LPCAT2: variants seen among roughly 807,000 people sequenced by gnomAD.
The protein encoded by LPCAT2 is lysophosphatidylcholine acyltransferase 2.
A neutral mutation model predicts 64.7 loss-of-function variants in LPCAT2; 58 were observed. The ratio of observed to expected loss-of-function variants is 0.90; its 90% CI spans 0.73 to 1.12. LPCAT2 has a LOEUF of 1.12. LPCAT2 is among the 50% of genes most tolerant of loss of function. The pLI, the probability that LPCAT2 is intolerant of heterozygous loss-of-function variation, is 0.00. For missense variants in LPCAT2, 579 were observed against 669.8 expected, an observed-to-expected ratio of 0.86 and a Z score of 1.50; for synonymous variants, 252 against 245.3, an observed-to-expected ratio of 1.03 and a Z score of -0.26.
Position 55,582,941 on chromosome 16 carries a change from A to C in LPCAT2, c.1478A>C (p.His493Pro). 1 of 1,613,138 alleles carries C rather than the reference A, an allele frequency of 6.2e-7. No homozygotes were observed. Among genetic ancestry groups the C allele is most frequent in the Non-Finnish European group, 8.5e-7 (1 of 1,179,394 alleles). Residue 493 changes from histidine to proline, a missense_variant, in exon 14 of 14, where the codon CAT becomes CCT. Physicochemically the swap from His to Pro is moderately conservative, Grantham distance 77 (BLOSUM62 -2). Transcript: ENST00000262134. ...GAATTTAAAAGTTTTGCCTTAAAGC[A>C]TCCAGAATATGCTAAGATATTTACA... ...YEEFKSFALK[H>P]PEYAKIFTTY...
intron 6 of LPCAT2, among the ~76,000 whole-genome samples, chr16:55,534,111 A>G (rs1450589805): frequency 1.3e-5 from 2 of 152,114 alleles, no homozygotes; most frequent in African/African-American, 4.8e-5. Context: ...GAAAACGGAT[A>G]TATTCTGAGT....
chr16:55,534,962 G>T (rs1231176756), intron 7 of LPCAT2, among the ~76,000 whole-genome samples: 1 of 152,120 alleles, frequency 6.6e-6, no homozygotes, highest in Non-Finnish European at 1.5e-5. Flanking sequence ...GATTTGAAAA[G>T]CATTGGAATC....
At position 55,534,486 on chromosome 16, in the gene LPCAT2, CT is replaced by C; in HGVS notation, c.797+11del. The C allele has an allele frequency of 7.3e-7, 1 of 1,374,852 alleles. No individual in the cohort carries two copies. Among genetic ancestry groups the C allele is most frequent in the Non-Finnish European group, 1.0e-6 (1 of 999,684 alleles). The allele number at this position is 1,374,852 out of a possible 1,614,324, so 85.2% of individuals were successfully genotyped here. A position where few individuals can be genotyped will look rare whatever the true frequency, so the allele number is the denominator to read the frequency against. ...TGGCAAGGATATACATTGTAAGTCACTTATGTCTATTATTAGTTTATATAAA... is the reference window on the plus strand; with the variant it reads ...TGGCAAGGATATACATTGTAAGTCACTATGTCTATTATTAGTTTATATAAA... On this transcript the variant is annotated intron_variant, in intron 7 of 13. Coordinates refer to ENST00000262134, the MANE Select transcript of LPCAT2 (RefSeq NM_017839.5).
At chr16:55,534,561 A>C in intron 7 of LPCAT2, 84 bp downstream of exon 7, 1 of 660,638 alleles carries the variant, frequency 1.5e-6, no homozygotes, top group Non-Finnish European at 2.5e-6. Flanking sequence ...TTCTTTAAAA[A>C]AGTATTATTT....
chr16:55,554,781 T>C (rs1963555975), intron 11 of LPCAT2, among the ~76,000 whole-genome samples: 1 of 152,202 alleles, frequency 6.6e-6, no homozygotes, highest in South Asian at 2.1e-4. Flanking sequence ...AAGTAAGAAA[T>C]ATGCAACCAT....
chr16:55,572,886 A>T (rs139361849), intron 11 of LPCAT2, among the ~76,000 whole-genome samples: 167 of 152,352 alleles, frequency 1.1e-3, no homozygotes, highest in African/African-American at 3.8e-3. Context: ...AAATGGATGC[A>T]TTTGGTTGAA....
intron 12 of LPCAT2, among the ~76,000 whole-genome samples, chr16:55,577,621 A>T (rs537700000): frequency 2.9e-4 from 44 of 152,300 alleles, no homozygotes; most frequent in African/African-American, 1.0e-3. Context: ...TACTCATATC[A>T]TTAAAAATTC....
At chr16:55,519,667 T>C (rs572756936) in intron 1 of LPCAT2, among the ~76,000 whole-genome samples, 1 of 152,282 alleles carries the variant, frequency 6.6e-6, no homozygotes, top group Non-Finnish European at 1.5e-5. Context: ...TTTATATTAA[T>C]TTCATCAAAG....
At chr16:55,549,438 G>A in intron 10 of LPCAT2, 36 bp downstream of exon 10, 2 of 1,557,422 alleles carry the variant, frequency 1.3e-6, no homozygotes, top group Non-Finnish European at 8.6e-7. Context: ...CTTTCATAAA[G>A]TTGTCCAAAA....
chr16:55,563,283 A>G (rs1381112540), intron 11 of LPCAT2, among the ~76,000 whole-genome samples: 1 of 151,964 alleles, frequency 6.6e-6, no homozygotes, highest in East Asian at 1.9e-4. Context: ...TCACTGGAAA[A>G]TTCCACCAAA....
intron 8 of LPCAT2, chr16:55,541,218 T>TTA (rs1342630358): frequency 1.3e-5 from 2 of 152,158 alleles, no homozygotes; most frequent in Non-Finnish European, 2.9e-5. Context: ...TATAGTGAGC[T>TTA]TATAGTGGCT....
At chr16:55,582,399 T>C (rs143498395) in intron 13 of LPCAT2, among the ~76,000 whole-genome samples, 71 of 152,350 alleles carry the variant, frequency 4.7e-4, no homozygotes, top group African/African-American at 1.7e-3. Context: ...TTTTGGGCTT[T>C]ATATAAATAG....
At chr16:55,576,784 T>TA (rs1251562478) in intron 12 of LPCAT2, among the ~76,000 whole-genome samples, 1 of 152,322 alleles carries the variant, frequency 6.6e-6, no homozygotes, top group East Asian at 1.9e-4. Flanking sequence ...GCATGGGGTT[T>TA]ACCTTAGATC....
intron 3 of LPCAT2, 41 bp from the exon 4 acceptor site, chr16:55,529,794 C>T (rs976221409): frequency 7.7e-7 from 1 of 1,297,174 alleles, no homozygotes; most frequent in East Asian, 2.4e-5. Flanking sequence ...GTTGCTTTAG[C>T]CAAAAAATGG....
chr16:55,509,456 G>C (rs1366931741), intron 1 of LPCAT2, 104 bp downstream of exon 1: 2 of 1,216,066 alleles, frequency 1.6e-6, no homozygotes, highest in East Asian at 3.1e-5. Context: ...CGGCCGAGGG[G>C]GGCGTGGGTC....
intron 11 of LPCAT2, among the ~76,000 whole-genome samples, chr16:55,559,345 C>G (rs1310671725): frequency 6.6e-6 from 1 of 152,168 alleles, no homozygotes; most frequent in South Asian, 2.1e-4. Flanking sequence ...GGCAATCCAG[C>G]CTTCTTAGCT....
intron 11 of LPCAT2, among the ~76,000 whole-genome samples, chr16:55,564,569 A>G (rs752580840): frequency 3.3e-5 from 5 of 152,024 alleles, no homozygotes; most frequent in African/African-American, 4.8e-5. Flanking sequence ...ATTTTCAGCA[A>G]GAATGCCAAA....
At chr16:55,546,708 T>A (rs905937525) in intron 9 of LPCAT2, among the ~76,000 whole-genome samples, 9 of 152,314 alleles carry the variant, frequency 5.9e-5, no homozygotes, top group East Asian at 5.8e-4. Flanking sequence ...TGGCAAAAAA[T>A]TTGCTATTAA....
At chr16:55,521,257 G>A (rs1183288880) in intron 1 of LPCAT2, among the ~76,000 whole-genome samples, 1 of 151,874 alleles carries the variant, frequency 6.6e-6, no homozygotes, top group East Asian at 1.9e-4. Flanking sequence ...CAAAAATCCA[G>A]TGTATCAAAA....
Sources: allele counts gnomAD v4.1 joint callset (sites outside exome capture counted in the v4.1 genomes callset), GRCh38; gene constraint gnomAD v4.1.1; transcripts MANE v1.5; gene names NCBI Gene and HGNC (gene_info 2026-07-23, HGNC 2026-07-21).